The following MCTP1 variants were observed in gnomAD, a reference collection of about 807,000 sequenced individuals.
MCTP1 encodes the protein multiple C2 and transmembrane domain-containing protein 1.
In MCTP1, 69 loss-of-function variants were observed where a neutral mutation model predicts 120.6. The observed-to-expected ratio is 0.57, with a 90% CI of 0.47 to 0.70. The LOEUF (loss-of-function observed/expected upper bound fraction) is 0.70, where lower values mean the gene tolerates loss of function less well. MCTP1 is among the 30% of genes least tolerant of loss of function. MCTP1 has a pLI of 0.00. For synonymous variants in MCTP1, 529 were observed against 493.1 expected (o/e 1.07, Z -0.96); for missense variants, 1,203 against 1,248.8 (o/e 0.96, Z 0.55).
At chr5:94,919,107 A>G (rs1810896142) in intron 7 of MCTP1, among the ~76,000 whole-genome samples, 1 of 152,196 alleles carries the variant, frequency 6.6e-6, no homozygotes, top group African/African-American at 2.4e-5. Context: ...ATCCTTGGTT[A>G]TAGATTATCG....
chr5:95,110,276 A>G (rs1252703736), intron 1 of MCTP1, among the ~76,000 whole-genome samples: 1 of 151,986 alleles, frequency 6.6e-6, no homozygotes, highest in Non-Finnish European at 1.5e-5. Context: ...GCAGCCACCC[A>G]GCCAGCGACA....
chr5:95,151,130 C>CATATATATATATATAT (rs3037035), intron 1 of MCTP1, among the ~76,000 whole-genome samples: 543 of 125,882 alleles, frequency 4.3e-3, no homozygotes, highest in East Asian at 0.021. Flanking sequence ...ACGCCTGGCT[C>CATATATATATATATAT]ATATATATAT....
intron 1 of MCTP1, among the ~76,000 whole-genome samples, chr5:95,258,943 C>T (rs111758678): frequency 6.6e-6 from 1 of 152,130 alleles, no homozygotes; most frequent in African/African-American, 2.4e-5. Flanking sequence ...GGCTGGTGAC[C>T]TTGTAGCTAT....
chr5:94,766,465 T>A (rs1772748340), intron 19 of MCTP1, among the ~76,000 whole-genome samples: 2 of 2,856 alleles, frequency 7.0e-4, no homozygotes, highest in African/African-American at 6.1e-3. Context: ...TAGGTGGGAA[T>A]GAACAATGAG....
chr5:95,152,162 G>C (rs1338130358), intron 1 of MCTP1, among the ~76,000 whole-genome samples: 1 of 152,166 alleles, frequency 6.6e-6, no homozygotes, highest in African/African-American at 2.4e-5. Flanking sequence ...AATGTCACTT[G>C]CTCTCCACCA....
At chr5:94,719,753 G>C (rs1760416902) in intron 19 of MCTP1, among the ~76,000 whole-genome samples, 1 of 152,192 alleles carries the variant, frequency 6.6e-6, no homozygotes, top group Non-Finnish European at 1.5e-5. Flanking sequence ...TGGGTTGATA[G>C]GTGCAGCAAA....
intron 1 of MCTP1, among the ~76,000 whole-genome samples, chr5:95,089,774 G>A (rs751194122): frequency 5.3e-5 from 8 of 152,158 alleles, no homozygotes; most frequent in Admixed American, 6.5e-5. Context: ...GAGAGATACA[G>A]CATGTTGCAG....
chr5:94,923,560 C>A (rs1812241844), intron 7 of MCTP1, among the ~76,000 whole-genome samples: 2 of 151,996 alleles, frequency 1.3e-5, no homozygotes, highest in Admixed American at 1.3e-4. Flanking sequence ...TAGTATAGAT[C>A]ACTGTAACAG....
At chr5:94,842,085 A>T (rs1234938421) in intron 17 of MCTP1, among the ~76,000 whole-genome samples, 2 of 152,214 alleles carry the variant, frequency 1.3e-5, no homozygotes, top group African/African-American at 4.8e-5. Flanking sequence ...ATTAACACAC[A>T]GTCATACGCA....
In MCTP1 at chr5:95,144,961, T is replaced by C. The variant is rs566783973; in HGVS notation, c.721-127477A>G. On this transcript the variant is annotated intron_variant, in intron 1 of 22. Coordinates refer to ENST00000515393, the MANE Select transcript of MCTP1 (RefSeq NM_024717.7). ...AATGACGTTGATATTTTGATAGAGA[T>C]GGCATTGAATCTGTAAATTGCTTTG... Among the ~76,000 whole-genome samples the C allele has an allele frequency of 1.1e-3, 173 of 152,294 alleles. 3 individuals are homozygous for C. Among genetic ancestry groups the C allele is most frequent in the African/African-American group, 3.9e-3 (162 of 41,576 alleles).
At chr5:95,038,129 T>A in intron 1 of MCTP1, 1 of 985,052 alleles carries the variant, frequency 1.0e-6, no homozygotes, top group Non-Finnish European at 1.2e-6. Context: ...CAGCTGTGGA[T>A]GGAGTAGGAT....
chr5:95,033,904 G>A (rs1474831325), intron 1 of MCTP1, among the ~76,000 whole-genome samples: 4 of 152,012 alleles, frequency 2.6e-5, no homozygotes, highest in Non-Finnish European at 5.9e-5. Context: ...ACACAAGTCA[G>A]TAGCATTTCT....
At chr5:94,920,254 C>A (rs1023458532) in intron 7 of MCTP1, among the ~76,000 whole-genome samples, 3 of 147,662 alleles carry the variant, frequency 2.0e-5, no homozygotes, top group African/African-American at 7.5e-5. Context: ...TAGTCTTGGG[C>A]CTGCCTTACA....
At chr5:95,237,881 C>A (rs974471818) in intron 1 of MCTP1, among the ~76,000 whole-genome samples, 2 of 151,930 alleles carry the variant, frequency 1.3e-5, no homozygotes, top group Non-Finnish European at 2.9e-5. Flanking sequence ...CACCATGATC[C>A]AGAGCCTTGT....
At chr5:94,928,111 G>T (rs556529845) in intron 6 of MCTP1, among the ~76,000 whole-genome samples, 1 of 151,502 alleles carries the variant, frequency 6.6e-6, no homozygotes, top group Non-Finnish European at 1.5e-5. Context: ...ATATCATCAC[G>T]ATAATATTTG....
intron 9 of MCTP1, among the ~76,000 whole-genome samples, chr5:94,912,587 A>G (rs1401376889): frequency 6.6e-6 from 1 of 152,036 alleles, no homozygotes; most frequent in Non-Finnish European, 1.5e-5. Flanking sequence ...TATGTTGTAG[A>G]TGAAGAAATT....
chr5:94,937,595 T>G (rs1335808841), intron 5 of MCTP1, among the ~76,000 whole-genome samples: 1 of 152,056 alleles, frequency 6.6e-6, no homozygotes, highest in Non-Finnish European at 1.5e-5. Context: ...AAAAATAAGT[T>G]TGAGCAACCA....
At chr5:94,973,459 C>T (rs1019333841) in intron 2 of MCTP1, among the ~76,000 whole-genome samples, 1 of 152,122 alleles carries the variant, frequency 6.6e-6, no homozygotes, top group Admixed American at 6.6e-5. Flanking sequence ...ATTGGTTACA[C>T]CCACTCAGTG....
intron 1 of MCTP1, among the ~76,000 whole-genome samples, chr5:95,143,615 T>C (rs2152444262): frequency 6.6e-6 from 1 of 152,286 alleles, no homozygotes; most frequent in Middle Eastern, 3.4e-3. Context: ...TGTCAATTTG[T>C]ATTTAATTTT....
Sources: gnomAD v4.1 joint callset for allele counts (sites outside exome capture counted in the v4.1 genomes callset) on GRCh38, gnomAD v4.1.1 for gene constraint, MANE v1.5 for transcripts, NCBI Gene and HGNC (gene_info 2026-07-23, HGNC 2026-07-21) for gene names.